TSC22D2: variants seen among roughly 807,000 people sequenced by gnomAD.
The protein encoded by TSC22D2 is TSC22 domain family protein 2.
In TSC22D2, 5 loss-of-function variants were observed where a neutral mutation model predicts 50.1. That is an observed-to-expected ratio of 0.10 (90% CI 0.05 to 0.21). TSC22D2 has a LOEUF of 0.21. TSC22D2 is among the 10% of genes least tolerant of loss of function. TSC22D2 has a pLI of 1.00. For missense variants in TSC22D2, 1,003 were observed against 1,015.5 expected (o/e 0.99, Z 0.17); for synonymous variants, 501 against 450.1 (o/e 1.11, Z -1.43).
chr3:150,409,205 T>G lies in TSC22D2; in HGVS notation c.-146T>G. 3 of 877,478 alleles carry G rather than the reference T, an allele frequency of 3.4e-6. No individual in the cohort carries two copies. The highest frequency in any genetic ancestry group is 4.9e-6 in the Non-Finnish European group (3 of 607,000). 54.4% of individuals were successfully genotyped at this position (877,478 alleles called of 1,614,324 possible). On this transcript the variant is annotated 5_prime_UTR_variant, in exon 1 of 3. Coordinates refer to ENST00000688009, the MANE Select transcript of TSC22D2 (RefSeq NM_001303264.2). The surrounding 1 kb of genome is among the most constrained non-coding windows in gnomAD (Gnocchi z 7.4). ...TCTCACCGGGCGGCCAGCGCCTGGA[T>G]CAGCCCGTGACTCTTAACAGCGGCG...
intron 1 of TSC22D2, among the ~76,000 whole-genome samples, chr3:150,435,983 G>A (rs1720527194): frequency 6.6e-6 from 1 of 152,034 alleles, no homozygotes; most frequent in Non-Finnish European, 1.5e-5. Flanking sequence ...AGGGTATCTG[G>A]TTAATCTGAA....
At chr3:150,411,889 C>T (rs1214837363) in intron 1 of TSC22D2, among the ~76,000 whole-genome samples, 1 of 152,118 alleles carries the variant, frequency 6.6e-6, no homozygotes, top group South Asian at 2.1e-4. Context: ...CACGAGTCTT[C>T]CCAGGGACTT....
chr3:150,411,364 T>C, intron 1 of TSC22D2, 56 bp downstream of exon 1: 3 of 1,487,226 alleles, frequency 2.0e-6, no homozygotes, highest in South Asian at 1.3e-5. Context: ...ACATTGTAGC[T>C]TAGGATGCAA....
In TSC22D2 at chr3:150,408,593, G is replaced by A. The variant is rs1719341702; in HGVS notation, c.-758G>A. ...ACCGCCGTCGCCGCCCGCCCGCAGG[G>A]GTGGTTCCCCCTGTAAGGGGAGGAC... is the stretch of plus-strand genomic sequence containing the variant. On this transcript the variant is annotated 5_prime_UTR_variant, in exon 1 of 3. Transcript: ENST00000688009. 1.3e-5 allele frequency: 2 copies of A among 152,262 alleles called. No individual in the cohort carries two copies. Among genetic ancestry groups the A allele is most frequent in the South Asian group, 2.1e-4 (1 of 4,830 alleles). 9.4% of individuals were successfully genotyped at this position (152,262 alleles called of 1,614,324 possible).
chr3:150,418,902 C>T (rs1029933405), intron 1 of TSC22D2, among the ~76,000 whole-genome samples: 2 of 151,902 alleles, frequency 1.3e-5, no homozygotes, highest in Admixed American at 6.6e-5. Context: ...ACCTTCAGAG[C>T]GCTGAGTCCC....
chr3:150,441,226 C>A (rs1028432991), intron 1 of TSC22D2, among the ~76,000 whole-genome samples: 3 of 151,950 alleles, frequency 2.0e-5, no homozygotes, highest in Non-Finnish European at 2.9e-5. Flanking sequence ...TGCATATTCC[C>A]AGACTTGGAA....
In TSC22D2 at chr3:150,461,622, G is replaced by T. The variant is rs1274478988; in HGVS notation, c.*2986G>T. On this transcript the variant is annotated 3_prime_UTR_variant, in exon 3 of 3. Transcript: ENST00000688009. ...GCCACACCAAAAACAAATAGTAGGG[G>T]TTAGGAGGCATTAAATAAACAGTTT... is the stretch of plus-strand genomic sequence containing the variant. 2 of 152,150 alleles carry T rather than the reference G, an allele frequency of 1.3e-5. No individual in the cohort carries two copies. The highest frequency in any genetic ancestry group is 4.8e-5 in the African/African-American group (2 of 41,424). 9.4% of individuals were successfully genotyped at this position (152,150 alleles called of 1,614,324 possible).
Position 150,465,984 on chromosome 3 carries a change from C to T in TSC22D2, c.*7348C>T, listed in dbSNP as rs1721531305. On this transcript the variant is annotated 3_prime_UTR_variant, in exon 3 of 3. Transcript: ENST00000688009. ...AATATCCTCCATGATGGGGGAGCTACTGTAATACTATGAAATTGGAAAAAC... is the reference window on the plus strand; with the variant it reads ...AATATCCTCCATGATGGGGGAGCTATTGTAATACTATGAAATTGGAAAAAC... 3 of 152,040 alleles carry T rather than the reference C, an allele frequency of 2.0e-5. No homozygotes were observed. The highest frequency in any genetic ancestry group is 1.3e-4 in the Admixed American group (2 of 15,250). 9.4% of individuals were successfully genotyped at this position (152,040 alleles called of 1,614,324 possible). A position where few individuals can be genotyped will look rare whatever the true frequency, so the allele number is the denominator to read the frequency against.
intron 1 of TSC22D2, among the ~76,000 whole-genome samples, chr3:150,413,877 AT>A (rs1194197273): frequency 9.4e-6 from 1 of 106,912 alleles, no homozygotes. Flanking sequence ...AATAAGATAT[AT>A]GCTTTTTTTA....
At chr3:150,424,432 G>A (rs1720109927) in intron 1 of TSC22D2, among the ~76,000 whole-genome samples, 2 of 152,052 alleles carry the variant, frequency 1.3e-5, no homozygotes, top group Non-Finnish European at 2.9e-5. Context: ...ATTTCAAATA[G>A]CTAACTTTGA....
At chr3:150,438,171 C>A (rs1357917212) in intron 1 of TSC22D2, 2 of 379,218 alleles carry the variant, frequency 5.3e-6, no homozygotes, top group Non-Finnish European at 1.1e-5. Flanking sequence ...TTGATTAAAA[C>A]ATTTATTTAC....
intron 1 of TSC22D2, among the ~76,000 whole-genome samples, chr3:150,455,817 C>T (rs1426104540): frequency 3.3e-5 from 5 of 152,018 alleles, no homozygotes; most frequent in African/African-American, 7.2e-5. Context: ...ATTATCTTTT[C>T]GTATTGATAC....
chr3:150,409,350 C>G lies in TSC22D2; in HGVS notation c.-1C>G. On this transcript the variant is annotated 5_prime_UTR_variant, in exon 1 of 3. Transcript: ENST00000688009. This position sits in a 1 kb window ranked among gnomAD's most constrained non-coding sequence, Gnocchi z 7.4. ...CTCTCTGCCCTCCAGCCTTCTTCAC[C>G]ATGTCCAAGATGCCGGCCAAGAAGA... 1 of 1,593,896 alleles carries G rather than the reference C, an allele frequency of 6.3e-7. No individual in the cohort carries two copies. The highest frequency in any genetic ancestry group is 8.6e-7 in the Non-Finnish European group (1 of 1,165,314).
intron 1 of TSC22D2, among the ~76,000 whole-genome samples, chr3:150,413,600 A>G (rs2108060237): frequency 1.3e-5 from 2 of 150,854 alleles, no homozygotes; most frequent in South Asian, 4.2e-4. Flanking sequence ...TAAAAAAAAA[A>G]AAAAGAACAG....
intron 1 of TSC22D2, among the ~76,000 whole-genome samples, chr3:150,445,598 A>T (rs2108094629): frequency 6.6e-6 from 1 of 152,256 alleles, no homozygotes; most frequent in South Asian, 2.1e-4. Flanking sequence ...ATACACTGGG[A>T]AAGTAGACCT....
Position 150,446,759 on chromosome 3 carries a change from C to T in TSC22D2, c.1959-10317C>T, listed in dbSNP as rs6440674. On this transcript the variant is annotated intron_variant, in intron 1 of 2. Coordinates refer to ENST00000688009, the MANE Select transcript of TSC22D2 (RefSeq NM_001303264.2). ...TTCTGAGTTTAGCCCTATTTTGAAA[C>T]GGTCCCTTGACAACCTTTATTTATT... is the stretch of plus-strand genomic sequence containing the variant. Among the ~76,000 whole-genome samples the T allele has an allele frequency of 9.5e-3, 1,440 of 152,176 alleles. 20 individuals are homozygous for T. Among genetic ancestry groups the T allele is most frequent in the African/African-American group, 0.03 (1,237 of 41,518 alleles).
In TSC22D2 at chr3:150,409,752, C is replaced by G. The variant is rs61734436; in HGVS notation, c.402C>G (p.Pro134=). The G allele has an allele frequency of 1.2e-6, 2 of 1,601,636 alleles. No homozygotes were observed. Among genetic ancestry groups the G allele is most frequent in the Non-Finnish European group, 1.7e-6 (2 of 1,178,418 alleles). Residue 134 remains proline (P), a synonymous_variant, in exon 1 of 3, where the codon CCC becomes CCG. Transcript: ENST00000688009. The surrounding 1 kb of genome is among the most constrained non-coding windows in gnomAD (Gnocchi z 7.4). The part of the protein sequence containing the change: ...AATSAPAPGA[P]GGPQLAGSSA... ...CTTCGGCCCCCGCCCCCGGAGCACCCGGCGGCCCCCAGCTCGCGGGCTCAT... is the reference window on the plus strand; with the variant it reads ...CTTCGGCCCCCGCCCCCGGAGCACCGGGCGGCCCCCAGCTCGCGGGCTCAT...
chr3:150,458,326 C>G, intron 2 of TSC22D2, 50 bp from the exon 3 acceptor site: 1 of 1,571,920 alleles, frequency 6.4e-7, no homozygotes, highest in Non-Finnish European at 8.6e-7. Context: ...CCAGATAGCA[C>G]CACCTTTATC....
rs1576543309 is a variant in TSC22D2 at position 150,418,650 on chromosome 3, A to G, written c.1958+7342A>G. ...GCAGAGGTAAAAGGCAGTTTGTATAATGATGTGAAAGAGTGAGAATCTATC... is the reference window on the plus strand; with the variant it reads ...GCAGAGGTAAAAGGCAGTTTGTATAGTGATGTGAAAGAGTGAGAATCTATC... On this transcript the variant is annotated intron_variant, in intron 1 of 2. Transcript: ENST00000688009. Among the ~76,000 whole-genome samples, 3 of 151,954 alleles carry G rather than the reference A, an allele frequency of 2.0e-5. No homozygotes were observed. The South Asian group carries it at 6.2e-4, about 32-fold the overall frequency.
Sources: allele counts gnomAD v4.1 joint callset (sites outside exome capture counted in the v4.1 genomes callset), GRCh38; gene constraint gnomAD v4.1.1; non-coding constraint Gnocchi (gnomAD v3.1); transcripts MANE v1.5; gene names NCBI Gene and HGNC (gene_info 2026-07-23, HGNC 2026-07-21).